The following ARHGEF10 variants were observed in gnomAD, a reference collection of about 807,000 sequenced individuals.
ARHGEF10 encodes Rho guanine nucleotide exchange factor 10.
ARHGEF10 carries 140 observed loss-of-function variants against 147.4 expected under a neutral mutation model. The ratio of observed to expected loss-of-function variants is 0.95; its 90% confidence interval spans 0.83 to 1.09. The LOEUF is 1.09. ARHGEF10 is among the 50% of genes least tolerant of loss of function. The pLI, the probability that ARHGEF10 is intolerant of heterozygous loss-of-function variation, is 0.00. For synonymous variants in ARHGEF10, 902 were observed against 695.8 expected (o/e 1.30, Z -4.67); for missense variants, 2,222 against 1,752.7 (o/e 1.27, Z -4.78).
At chr8:1,847,777 C>A (rs1198683004) in intron 2 of ARHGEF10, among the ~76,000 whole-genome samples, 2 of 152,186 alleles carry the variant, frequency 1.3e-5, no homozygotes, top group African/African-American at 2.4e-5. Context: ...AGCTAAAACA[C>A]AAACAGCCTT....
At chr8:1,894,719 C>T in intron 13 of ARHGEF10, 147 bp downstream of exon 13, 1 of 897,308 alleles carries the variant, frequency 1.1e-6, no homozygotes, top group Non-Finnish European at 1.8e-6. Flanking sequence ...GTTGCAATGC[C>T]CTGGCCAAGC....
chr8:1,934,680 C>A (rs926423868), intron 26 of ARHGEF10, among the ~76,000 whole-genome samples: 1 of 152,174 alleles, frequency 6.6e-6, no homozygotes, highest in Non-Finnish European at 1.5e-5. Flanking sequence ...GCCCTCTCCT[C>A]CTCTAAACAC....
At chr8:1,883,211 G>A (rs936121137) in intron 10 of ARHGEF10, among the ~76,000 whole-genome samples, 4 of 152,132 alleles carry the variant, frequency 2.6e-5, no homozygotes, top group Non-Finnish European at 5.9e-5. Flanking sequence ...TAACGAAGGC[G>A]CAGTGGTCTG....
At position 1,932,464 on chromosome 8, in the gene ARHGEF10, G is replaced by T. The variant is rs567752761; in HGVS notation, c.3080-1336G>T. Among the ~76,000 whole-genome samples, 3 of 152,228 alleles carry T rather than the reference G, an allele frequency of 2.0e-5. No homozygotes were observed. In the East Asian group the frequency reaches 5.8e-4, roughly 29 times the overall value. On this transcript the variant is annotated intron_variant, in intron 25 of 28. Coordinates refer to ENST00000349830, the MANE Select transcript of ARHGEF10 (RefSeq NM_014629.4). ...TGTGCACATGTGCATGCCTGCATGT[G>T]TGTATGTGTGTGACATGTGCACGTG...
chr8:1,908,597 T>TA (rs369284759), intron 17 of ARHGEF10, among the ~76,000 whole-genome samples: 61 of 152,288 alleles, frequency 4.0e-4, no homozygotes, highest in African/African-American at 1.4e-3. Context: ...TAAGTGAGAA[T>TA]AATGGTTGAT....
intron 4 of ARHGEF10, among the ~76,000 whole-genome samples, chr8:1,860,463 C>T (rs572986879): frequency 6.5e-4 from 98 of 151,732 alleles, no homozygotes; most frequent in Middle Eastern, 6.9e-3. Flanking sequence ...CTTCCCTCCT[C>T]CTCCTCTCCA....
At chr8:1,879,857 A>C (rs957614341) in intron 8 of ARHGEF10, among the ~76,000 whole-genome samples, 191 bp from the exon 9 acceptor site, 2 of 151,998 alleles carry the variant, frequency 1.3e-5, no homozygotes, top group Non-Finnish European at 2.9e-5. Flanking sequence ...CCAGCCAACT[A>C]TTTGTGCATT....
chr8:1,854,134 G>T (rs989319448), intron 2 of ARHGEF10, among the ~76,000 whole-genome samples: 1 of 152,310 alleles, frequency 6.6e-6, no homozygotes. Flanking sequence ...GCTCGGGTGG[G>T]GTCTGTGATG....
At chr8:1,904,377 C>T (rs1264160900) in intron 16 of ARHGEF10, 1 of 152,184 alleles carries the variant, frequency 6.6e-6, no homozygotes, top group East Asian at 1.9e-4. Context: ...ATCATTATTG[C>T]TACAAATCAT....
At position 1,908,467 on chromosome 8, in the gene ARHGEF10, T is replaced by C. The variant is rs968086007; in HGVS notation, c.1968-828T>C. 1.3e-4 allele frequency among the ~76,000 whole-genome samples: 20 copies of C among 152,192 alleles called. No individual in the cohort carries two copies. In the South Asian group the frequency reaches 1.4e-3, roughly 11 times the overall value. On this transcript the variant is annotated intron_variant, in intron 17 of 28. Transcript: ENST00000349830. ...CAGGATGGTCTCAATCTCCTGACCT[T>C]GTGATCTGCCTGCCTTGGCCTCCCA...
chr8:1,824,016 A>AACGGCGGGGAACGGCGGGGG lies in ARHGEF10; in HGVS notation c.-136_-135insAACGGCGGGGGACGGCGGGG, dbSNP rs1563137358. 6.2e-5 allele frequency: 6 copies of AACGGCGGGGAACGGCGGGGG among 96,782 alleles called. No homozygotes were observed. Among genetic ancestry groups the AACGGCGGGGAACGGCGGGGG allele is most frequent in the African/African-American group, 1.8e-4 (4 of 22,606 alleles). 6.0% of individuals were successfully genotyped at this position (96,782 alleles called of 1,614,324 possible). ...GCGGGGGACGCGGGGGACGGCGGGG[A>AACGGCGGGGAACGGCGGGGG]ACGGCGGGGGACGGCGGGGAACAGC... On this transcript the variant is annotated 5_prime_UTR_variant, in exon 1 of 29. Transcript: ENST00000349830.
chr8:1,918,366 G>A (rs1249310868), intron 18 of ARHGEF10, among the ~76,000 whole-genome samples: 1 of 151,852 alleles, frequency 6.6e-6, no homozygotes, highest in Non-Finnish European at 1.5e-5. Context: ...GGTCCGTAAG[G>A]TCGAGGAACT....
In ARHGEF10 at chr8:1,905,783, G is replaced by C. The variant is rs1055702459; in HGVS notation, c.1967+67G>C. On this transcript the variant is annotated intron_variant, in intron 17 of 28. Transcript: ENST00000349830. ...ATGTTACCTTTGCCTAAGGGCACAT[G>C]CATGACTTTGTTAATTCTGTCACTC... is the stretch of plus-strand genomic sequence containing the variant. The C allele has an allele frequency of 2.5e-6, 4 of 1,587,702 alleles. No homozygotes were observed. In the African/African-American group the frequency reaches 5.4e-5, roughly 21 times the overall value.
At chr8:1,876,510 C>A in intron 7 of ARHGEF10, 61 bp from the exon 8 acceptor site, 2 of 1,533,210 alleles carry the variant, frequency 1.3e-6, no homozygotes, top group Non-Finnish European at 1.8e-6. Context: ...CACAAACAGG[C>A]ACAAAACAGC....
chr8:1,880,250 C>A, intron 9 of ARHGEF10, 86 bp downstream of exon 9: 1 of 927,188 alleles, frequency 1.1e-6, no homozygotes, highest in Non-Finnish European at 1.8e-6. Flanking sequence ...CTTGCTGTCT[C>A]AACAGCGGTT....
At chr8:1,845,696 G>T (rs1563167444) in intron 2 of ARHGEF10, among the ~76,000 whole-genome samples, 1 of 152,206 alleles carries the variant, frequency 6.6e-6, no homozygotes. Context: ...CTAGTGCCTG[G>T]CACCCTGAGG....
intron 26 of ARHGEF10, among the ~76,000 whole-genome samples, chr8:1,939,161 A>T (rs936956672): frequency 1.3e-5 from 2 of 152,250 alleles, no homozygotes; most frequent in African/African-American, 4.8e-5. Context: ...TTTCTTTCAG[A>T]CACCTTCAGA....
chr8:1,886,674 A>G (rs1463168692), intron 11 of ARHGEF10, among the ~76,000 whole-genome samples: 1 of 151,980 alleles, frequency 6.6e-6, no homozygotes, highest in Non-Finnish European at 1.5e-5. Context: ...ATGGGTGTGC[A>G]TGCTCTGTGC....
chr8:1,946,530 C>T (rs574537218), intron 27 of ARHGEF10, among the ~76,000 whole-genome samples: 5 of 152,284 alleles, frequency 3.3e-5, no homozygotes, highest in Non-Finnish European at 7.4e-5. Flanking sequence ...AGAAAGAGCC[C>T]TGGGGTCTCC....
Sources: gnomAD v4.1 joint callset for allele counts (sites outside exome capture counted in the v4.1 genomes callset) on GRCh38, gnomAD v4.1.1 for gene constraint, MANE v1.5 for transcripts, NCBI Gene and HGNC (gene_info 2026-07-23, HGNC 2026-07-21) for gene names.